RUNX1T1: variants seen among roughly 807,000 people sequenced by gnomAD.
RUNX1T1 encodes protein CBFA2T1.
In RUNX1T1, 4 loss-of-function variants were observed where a neutral mutation model predicts 62.8. The ratio of observed to expected loss-of-function variants is 0.06; its 90% CI spans 0.03 to 0.15. The LOEUF (loss-of-function observed/expected upper bound fraction) is 0.15. RUNX1T1 is among the 10% of genes least tolerant of loss of function. The pLI is 1.00. For missense variants in RUNX1T1, 508 were observed against 754.3 expected (o/e 0.67, Z 3.82); for synonymous variants, 291 against 286.0 (o/e 1.02, Z -0.18).
intron 8 of RUNX1T1, among the ~76,000 whole-genome samples, chr8:91,976,744 T>C (rs996304759): frequency 1.3e-5 from 2 of 152,248 alleles, no homozygotes; most frequent in African/African-American, 4.8e-5. Context: ...CAAAACATTT[T>C]ATAGTTCTTA....
intron 5 of RUNX1T1, among the ~76,000 whole-genome samples, chr8:91,998,661 A>C (rs971220723): frequency 1.3e-5 from 2 of 152,332 alleles, no homozygotes; most frequent in Non-Finnish European, 1.5e-5. Flanking sequence ...TCTGCTCAAC[A>C]GTTAGGCTGT....
intron 5 of RUNX1T1, among the ~76,000 whole-genome samples, chr8:91,998,266 T>C (rs1019611697): frequency 2.0e-5 from 3 of 152,168 alleles, no homozygotes. Context: ...TTCCCCAGCG[T>C]CCTTAAAAAG....
At chr8:91,966,459 T>C (rs1396135990) in intron 10 of RUNX1T1, among the ~76,000 whole-genome samples, 3 of 152,098 alleles carry the variant, frequency 2.0e-5, no homozygotes, top group East Asian at 3.9e-4. Context: ...CTCTAAACTA[T>C]TAGAACAATA....
At chr8:92,073,579 A>G (rs1029110441) in intron 2 of RUNX1T1, among the ~76,000 whole-genome samples, 1 of 152,232 alleles carries the variant, frequency 6.6e-6, no homozygotes, top group African/African-American at 2.4e-5. Flanking sequence ...CAGGTGTTCT[A>G]AAATGTAAAG....
chr8:92,018,677 T>C (rs969223786), intron 1 of RUNX1T1, among the ~76,000 whole-genome samples: 7 of 152,322 alleles, frequency 4.6e-5, no homozygotes, highest in Non-Finnish European at 7.4e-5. Context: ...ATTACTACTA[T>C]AACAATTCCA....
chr8:92,053,000 A>G (rs149319841), intron 1 of RUNX1T1, among the ~76,000 whole-genome samples: 1 of 152,374 alleles, frequency 6.6e-6, no homozygotes, highest in East Asian at 1.9e-4. Context: ...CTGCCGAATT[A>G]GCAAAGATTA....
At chr8:92,005,140 T>C (rs1820500805) in exon 5 of RUNX1T1, 2 of 1,611,762 alleles carry the variant, frequency 1.2e-6, no homozygotes, top group Non-Finnish European at 1.7e-6. Flanking sequence ...CCTCTTCCCG[T>C]TTTCGTTCAC....
At chr8:92,018,753 A>C (rs1823507593) in intron 1 of RUNX1T1, among the ~76,000 whole-genome samples, 1 of 152,234 alleles carries the variant, frequency 6.6e-6, no homozygotes, top group Non-Finnish European at 1.5e-5. Context: ...ACAACATTTA[A>C]AAGTTGAAAT....
intron 1 of RUNX1T1, among the ~76,000 whole-genome samples, chr8:92,019,927 C>A (rs959009337): frequency 6.6e-6 from 1 of 152,212 alleles, no homozygotes; most frequent in Admixed American, 6.5e-5. Context: ...ACTACAGAGA[C>A]AATGTATAGG....
At chr8:91,991,067 A>C (rs916393038) in intron 6 of RUNX1T1, among the ~76,000 whole-genome samples, 3 of 152,218 alleles carry the variant, frequency 2.0e-5, no homozygotes, top group African/African-American at 7.2e-5. Flanking sequence ...TCCTTGACCC[A>C]AAACTGTCAA....
intron 9 of RUNX1T1, 29 bp from the exon 11 acceptor site, chr8:91,970,877 A>G (rs771867943): frequency 6.5e-7 from 1 of 1,547,138 alleles, no homozygotes. Context: ...AAACCAGACA[A>G]GAAAACACCT....
At chr8:92,089,071 C>T (rs1047513634) in intron 1 of RUNX1T1, among the ~76,000 whole-genome samples, 2 of 152,142 alleles carry the variant, frequency 1.3e-5, no homozygotes, top group African/African-American at 2.4e-5. Context: ...AATATCATTA[C>T]TTCCAAGCCA....
chr8:92,051,624 ACT>A (rs58500025), intron 1 of RUNX1T1, among the ~76,000 whole-genome samples: 4,554 of 113,028 alleles, frequency 0.04, 87 homozygotes, highest in Non-Finnish European at 0.064. Context: ...TCTCTCTCTC[ACT>A]CTCTCTCTCT....
At chr8:92,017,625 T>C (rs1480327083) in intron 1 of RUNX1T1, 7 of 1,340,250 alleles carry the variant, frequency 5.2e-6, no homozygotes, top group African/African-American at 2.9e-5. Flanking sequence ...GATGCTACCT[T>C]GGTAGTGTTA....
At chr8:92,090,765 G>A (rs548485725) in intron 1 of RUNX1T1, among the ~76,000 whole-genome samples, 16 of 152,264 alleles carry the variant, frequency 1.1e-4, no homozygotes, top group African/African-American at 3.1e-4. Flanking sequence ...CATTAATTTG[G>A]GGAATACGAA....
intron 1 of RUNX1T1, among the ~76,000 whole-genome samples, chr8:92,059,209 G>A (rs1831512147): frequency 6.6e-6 from 1 of 152,186 alleles, no homozygotes; most frequent in South Asian, 2.1e-4. Flanking sequence ...GTTTGATACA[G>A]CAAAGAGCCT....
intron 1 of RUNX1T1, among the ~76,000 whole-genome samples, chr8:92,043,827 A>C (rs1828898762): frequency 6.6e-6 from 1 of 151,814 alleles, no homozygotes; most frequent in East Asian, 1.9e-4. Flanking sequence ...AAATACAAAA[A>C]ATTAGGTGGG....
At chr8:91,985,162 A>C (rs1044012534) in intron 8 of RUNX1T1, among the ~76,000 whole-genome samples, 11 of 152,248 alleles carry the variant, frequency 7.2e-5, no homozygotes, top group African/African-American at 2.7e-4. Flanking sequence ...TTGAGTTAGC[A>C]GATGGGTATG....
At chr8:92,010,913 A>G in intron 4 of RUNX1T1, 89 bp downstream of exon 5, 1 of 689,980 alleles carries the variant, frequency 1.4e-6, no homozygotes. Flanking sequence ...TAAATCAAAG[A>G]GCCCCTAAAT....
Sources: gnomAD v4.1 joint callset for allele counts (sites outside exome capture counted in the v4.1 genomes callset) on GRCh38, gnomAD v4.1.1 for gene constraint, MANE v1.5 for transcripts, NCBI Gene and HGNC (gene_info 2026-07-23, HGNC 2026-07-21) for gene names.